Variants in PRDX3 observed in about 807,000 individuals in gnomAD.
PRDX3 encodes thioredoxin-dependent peroxide reductase, mitochondrial.
In PRDX3, 20 loss-of-function variants were observed where a neutral mutation model predicts 30.4. The ratio of observed to expected loss-of-function variants is 0.66; its 90% CI spans 0.46 to 0.96. PRDX3 has a LOEUF of 0.96. PRDX3 is among the 40% of genes least tolerant of loss of function. The probability of loss-of-function intolerance (pLI) is 0.00; values close to 1 mark genes in which losing one functional copy is unlikely to be tolerated. For synonymous variants in PRDX3, 124 were observed against 117.8 expected, an observed-to-expected ratio of 1.05 and a Z score of -0.34; for missense variants, 322 against 318.3, an observed-to-expected ratio of 1.01 and a Z score of -0.09.
At chr10:119,173,018 A>G (rs1174691341) in intron 4 of PRDX3, among the ~76,000 whole-genome samples, 1 of 151,884 alleles carries the variant, frequency 6.6e-6, no homozygotes, top group East Asian at 1.9e-4. Flanking sequence ...GGCTCATGGC[A>G]ACCACCGCCT....
In PRDX3 at chr10:119,173,554, A is replaced by G. The variant is rs1442864221; in HGVS notation, c.447+183T>C. ...AACCCAGGTGGCGGAGGTTGCAGTG[A>G]GCTGAGATTGTGCCATTGCACTCCA... On this transcript the variant is annotated intron_variant, in intron 4 of 6. Coordinates refer to ENST00000298510, the MANE Select transcript of PRDX3 (RefSeq NM_006793.5). Among the ~76,000 whole-genome samples, 7 of 151,804 alleles carry G rather than the reference A, an allele frequency of 4.6e-5. No homozygotes were observed. The South Asian group carries it at 1.5e-3, about 31-fold the overall frequency.
chr10:119,173,880 A>G lies in PRDX3; in HGVS notation c.312-8T>C, dbSNP rs201335558. 5 of 1,596,954 alleles carry G rather than the reference A, an allele frequency of 3.1e-6. No homozygotes were observed. The African/African-American group carries it at 6.7e-5, about 21-fold the overall frequency. On this transcript the variant is annotated splice_polypyrimidine_tract_variant and splice_region_variant and intron_variant, in intron 3 of 6. Coordinates refer to ENST00000298510, the MANE Select transcript of PRDX3 (RefSeq NM_006793.5). Reference sequence around the variant, plus strand: ...GTAGGACACACAAAGGTGCTGGAAAAAAAGGATAGAAATTCTCATTAGAGC... The same window carrying G: ...GTAGGACACACAAAGGTGCTGGAAAGAAAGGATAGAAATTCTCATTAGAGC...
chr10:119,172,554 G>GT lies in PRDX3; in HGVS notation c.448-70dup, dbSNP rs1847930302. On this transcript the variant is annotated intron_variant, in intron 4 of 6. Coordinates refer to ENST00000298510, the MANE Select transcript of PRDX3 (RefSeq NM_006793.5). ...AACATTCTTGACCACGTACCACAAT[G>GT]TTTGAGACCAACAGTAACGGCGATA... 56 of 1,265,890 alleles carry GT rather than the reference G, an allele frequency of 4.4e-5. 4 individuals are homozygous for GT. In the South Asian group the frequency reaches 6.7e-4, roughly 15 times the overall value. 78.4% of individuals were successfully genotyped at this position (1,265,890 alleles called of 1,614,324 possible).
At chr10:119,174,178 C>G (rs2133659825) in intron 3 of PRDX3, among the ~76,000 whole-genome samples, 1 of 152,254 alleles carries the variant, frequency 6.6e-6, no homozygotes, top group Non-Finnish European at 1.5e-5. Flanking sequence ...TTTCCCCAGA[C>G]CAGTGAAAAC....
intron 6 of PRDX3, 73 bp downstream of exon 6, chr10:119,169,104 T>C: frequency 1.3e-6 from 2 of 1,522,442 alleles, no homozygotes; most frequent in South Asian, 2.4e-5. Context: ...CTCCCTTTTG[T>C]GGATATTTCA....
At chr10:119,169,076 G>A (rs745432592) in intron 6 of PRDX3, 101 bp downstream of exon 6, 43 of 1,111,074 alleles carry the variant, frequency 3.9e-5, no homozygotes, top group Non-Finnish European at 4.9e-5. Flanking sequence ...TCATCTGCAC[G>A]CTTGCTTCAA....
chr10:119,176,842 C>T (rs1848039336), intron 2 of PRDX3, among the ~76,000 whole-genome samples, 179 bp downstream of exon 2: 1 of 152,304 alleles, frequency 6.6e-6, no homozygotes, highest in South Asian at 2.1e-4. Context: ...TAGAATCACC[C>T]GGCACATCCT....
rs1369745595 is a variant in PRDX3, at chr10:119,178,766, G to A, written c.25C>T (p.Leu9Phe). 1 of 1,552,844 alleles carries A rather than the reference G, an allele frequency of 6.4e-7. No homozygotes were observed. Reference protein sequence around the residue: MAAAVGRLLRASVARHVSA... With the variant: MAAAVGRLFRASVARHVSA... ...CGACAGCCACTCACCGACGCTCGGAGCAACCGTCCTACAGCAGCCGCCATC... is the reference window on the plus strand; with the variant it reads ...CGACAGCCACTCACCGACGCTCGGAACAACCGTCCTACAGCAGCCGCCATC... The change falls in exon 1 of 7, where the codon CTC becomes TTC. Residue 9 changes from leucine (L) to phenylalanine (F), a missense_variant. Coordinates refer to ENST00000298510, the MANE Select transcript of PRDX3 (RefSeq NM_006793.5).
intron 5 of PRDX3, chr10:119,170,999 G>A (rs1847893811): frequency 1.3e-5 from 2 of 153,056 alleles, no homozygotes; most frequent in African/African-American, 4.8e-5. Context: ...GCAGGCCAGA[G>A]GTCACCTACA....
intron 1 of PRDX3, 132 bp downstream of exon 1, chr10:119,178,623 G>T: frequency 8.7e-7 from 1 of 1,154,906 alleles, no homozygotes; most frequent in South Asian, 1.3e-5. Context: ...AGGCCTCTGG[G>T]TCCGTTACCC....
Position 119,175,077 on chromosome 10 carries a change from T to C in PRDX3, c.170-485A>G, listed in dbSNP as rs1847995554. Among the ~76,000 whole-genome samples, 3 of 152,342 alleles carry C rather than the reference T, an allele frequency of 2.0e-5. No homozygotes were observed. The South Asian group carries it at 6.2e-4, about 32-fold the overall frequency. ...TAATTTCTCCTTCTATAGTTTTAGA[T>C]TGTGCACAAATTCAATTCCAACTGC... is the stretch of plus-strand genomic sequence containing the variant. On this transcript the variant is annotated intron_variant, in intron 2 of 6. Transcript: ENST00000298510.
chr10:119,174,097 GA>G (rs935523009), intron 3 of PRDX3, among the ~76,000 whole-genome samples: 2 of 150,894 alleles, frequency 1.3e-5, no homozygotes, highest in African/African-American at 4.9e-5. Flanking sequence ...CATATTTTAA[GA>G]AAAAAAAATT....
At position 119,178,627 on chromosome 10, in the gene PRDX3, G is replaced by A. The variant is rs113473080; in HGVS notation, c.36+128C>T. The A allele has an allele frequency of 2.5e-6, 3 of 1,209,502 alleles. No individual in the cohort carries two copies. In the African/African-American group the frequency reaches 4.5e-5, roughly 18 times the overall value. The allele number at this position is 1,209,502 out of a possible 1,614,324, so 74.9% of individuals were successfully genotyped here. A position where few individuals can be genotyped will look rare whatever the true frequency, so the allele number is the denominator to read the frequency against. On this transcript the variant is annotated intron_variant, in intron 1 of 6. Coordinates refer to ENST00000298510, the MANE Select transcript of PRDX3 (RefSeq NM_006793.5). ...TTCCCGGAGGGAGGCCTCTGGGTCCGTTACCCGCGGAAACCCTCCAAGAAG... is the reference window on the plus strand; with the variant it reads ...TTCCCGGAGGGAGGCCTCTGGGTCCATTACCCGCGGAAACCCTCCAAGAAG...
chr10:119,178,206 A>AG (rs1848087114), intron 1 of PRDX3, among the ~76,000 whole-genome samples: 2 of 152,154 alleles, frequency 1.3e-5, no homozygotes, highest in Non-Finnish European at 2.9e-5. Flanking sequence ...GGAGAACGAA[A>AG]GGGGCTGTGT....
rs1187622225 is a variant in PRDX3, at chr10:119,178,755, C to T, written c.36G>A (p.Ser12=). Residue 12 remains serine, a splice_region_variant and synonymous_variant, in exon 1 of 7, where the codon TCG becomes TCA. Coordinates refer to ENST00000298510, the MANE Select transcript of PRDX3 (RefSeq NM_006793.5). ...AAAVGRLLRA[S]VARHVSAIPW... The stretch of plus-strand genomic sequence containing the variant: ...CTGTCCCCAGCCGACAGCCACTCAC[C>T]GACGCTCGGAGCAACCGTCCTACAG... 1 of 1,552,142 alleles carries T rather than the reference C, an allele frequency of 6.4e-7. No homozygotes were observed. Among genetic ancestry groups the T allele is most frequent in the Non-Finnish European group, 8.7e-7 (1 of 1,147,766 alleles).
intron 2 of PRDX3, among the ~76,000 whole-genome samples, chr10:119,175,874 G>A (rs1848015321): frequency 6.6e-6 from 1 of 151,676 alleles, no homozygotes; most frequent in South Asian, 2.1e-4. Flanking sequence ...CGCCTCCCAG[G>A]TTCAAGCAAT....
At chr10:119,168,665 T>A in intron 6 of PRDX3, 132 bp from the exon 7 acceptor site, 3 of 1,466,652 alleles carry the variant, frequency 2.0e-6, no homozygotes, top group Non-Finnish European at 2.7e-6. Flanking sequence ...AACATAAAGA[T>A]GAAAGTTTCA....
chr10:119,169,424 T>G, intron 5 of PRDX3, 82 bp from the exon 6 acceptor site: 1 of 1,189,012 alleles, frequency 8.4e-7, no homozygotes, highest in Non-Finnish European at 1.2e-6. Context: ...AGGTCTTTAA[T>G]TCTCCTTTTA....
chr10:119,173,902 G>A, intron 3 of PRDX3, 30 bp from the exon 4 acceptor site: 1 of 1,584,110 alleles, frequency 6.3e-7, no homozygotes, highest in South Asian at 1.1e-5. Context: ...ATTCTCATTA[G>A]AGCATTTAAA....
Sources: allele counts gnomAD v4.1 joint callset (sites outside exome capture counted in the v4.1 genomes callset), GRCh38; gene constraint gnomAD v4.1.1; transcripts MANE v1.5; gene names NCBI Gene and HGNC (gene_info 2026-07-23, HGNC 2026-07-21).